Variants in BTRC observed in about 807,000 individuals in gnomAD.
BTRC encodes F-box/WD repeat-containing protein 1A.
A neutral mutation model predicts 85.5 loss-of-function variants in BTRC; 42 were observed. The observed-to-expected ratio is 0.49, with a 90% CI of 0.38 to 0.64. BTRC has a LOEUF of 0.64. Among genes scored for constraint, BTRC ranks in the 30% least tolerant of loss-of-function variants. The pLI, the probability that BTRC is intolerant of heterozygous loss-of-function variation, is 0.00. For synonymous variants in BTRC, 255 were observed against 263.3 expected (o/e 0.97, Z 0.30); for missense variants, 594 against 743.5 (o/e 0.80, Z 2.34).
rs993654045 is a variant in BTRC, at chr10:101,424,102, T to C, written c.49-6243T>C. Among the ~76,000 whole-genome samples, 11 of 152,196 alleles carry C rather than the reference T, an allele frequency of 7.2e-5. No individual in the cohort carries two copies. The East Asian group carries it at 2.1e-3, about 29-fold the overall frequency. ...TACAAAAATTAGTCAGGCGTGGTGGTGCATGCCGGCAGTCCCAGCTACTCA... is the reference window on the plus strand; with the variant it reads ...TACAAAAATTAGTCAGGCGTGGTGGCGCATGCCGGCAGTCCCAGCTACTCA... On this transcript the variant is annotated intron_variant, in intron 1 of 14. Coordinates refer to ENST00000370187, the MANE Select transcript of BTRC (RefSeq NM_033637.4).
intron 4 of BTRC, among the ~76,000 whole-genome samples, chr10:101,518,123 G>A (rs950840576): frequency 1.1e-4 from 17 of 151,678 alleles, no homozygotes; most frequent in Non-Finnish European, 2.1e-4. Context: ...CGTTTTAGCC[G>A]GGATGGTCTC....
intron 1 of BTRC, among the ~76,000 whole-genome samples, chr10:101,429,917 A>C (rs913749175): frequency 6.7e-6 from 1 of 149,702 alleles, no homozygotes; most frequent in Non-Finnish European, 1.5e-5. Flanking sequence ...CTAATTTACC[A>C]TTCCTAATAT....
intron 1 of BTRC, among the ~76,000 whole-genome samples, chr10:101,413,998 A>G (rs889655374): frequency 1.3e-5 from 2 of 152,172 alleles, no homozygotes; most frequent in Non-Finnish European, 2.9e-5. Context: ...CATAAAATTG[A>G]CCATCTTAAC....
intron 4 of BTRC, among the ~76,000 whole-genome samples, chr10:101,491,771 A>T (rs1946140235): frequency 6.6e-6 from 1 of 152,050 alleles, no homozygotes; most frequent in Non-Finnish European, 1.5e-5. Context: ...ATTTTGATTC[A>T]TGCTTCTAGA....
At chr10:101,384,363 C>T (rs553303768) in intron 1 of BTRC, among the ~76,000 whole-genome samples, 8 of 152,258 alleles carry the variant, frequency 5.3e-5, no homozygotes, top group African/African-American at 1.4e-4. Context: ...TATTTCTTTC[C>T]GAATAAAAAG....
At chr10:101,533,195 C>G in intron 9 of BTRC, 125 bp downstream of exon 9, 1 of 598,090 alleles carries the variant, frequency 1.7e-6, no homozygotes, top group South Asian at 3.3e-5. Context: ...CCACCAGGTC[C>G]CCATCATTTC....
intron 1 of BTRC, among the ~76,000 whole-genome samples, chr10:101,415,053 G>T (rs1240182252): frequency 6.6e-6 from 1 of 152,112 alleles, no homozygotes; most frequent in African/African-American, 2.4e-5. Flanking sequence ...GTCTATAGTA[G>T]TGTACAATAA....
At chr10:101,529,690 T>G (rs1190700848) in intron 6 of BTRC, among the ~76,000 whole-genome samples, 2 of 152,228 alleles carry the variant, frequency 1.3e-5, no homozygotes, top group South Asian at 4.1e-4. Flanking sequence ...TTTTCTTTTC[T>G]GTATTAACAC....
At chr10:101,442,329 A>G (rs1007150609) in intron 2 of BTRC, among the ~76,000 whole-genome samples, 1 of 80,668 alleles carries the variant, frequency 1.2e-5, no homozygotes, top group Non-Finnish European at 2.3e-5. Context: ...TAAATGAGAT[A>G]ATTCCAACCT....
chr10:101,385,196 T>C (rs928376216), intron 1 of BTRC, among the ~76,000 whole-genome samples: 1 of 135,648 alleles, frequency 7.4e-6, no homozygotes, highest in African/African-American at 2.5e-5. Context: ...AGATCCTGTC[T>C]CTAAAAAAAA....
At chr10:101,484,285 A>G (rs964089950) in intron 4 of BTRC, among the ~76,000 whole-genome samples, 5 of 152,252 alleles carry the variant, frequency 3.3e-5, no homozygotes, top group African/African-American at 1.2e-4. Flanking sequence ...TTATATCCGC[A>G]GGAAACAAGC....
At chr10:101,380,782 G>A (rs1034667596) in intron 1 of BTRC, among the ~76,000 whole-genome samples, 3 of 152,142 alleles carry the variant, frequency 2.0e-5, no homozygotes, top group Non-Finnish European at 2.9e-5. Context: ...GTCATGCATT[G>A]CTTAACAATA....
At chr10:101,385,615 C>CTTTTTTTTTTTTTTTTTTT (rs146804594) in intron 1 of BTRC, among the ~76,000 whole-genome samples, 17 of 48,892 alleles carry the variant, frequency 3.5e-4, no homozygotes, top group South Asian at 1.3e-3. Flanking sequence ...CTTTCTTCTT[C>CTTTTTTTTTTTTTTTTTTT]TTCTTTTTTT....
intron 1 of BTRC, among the ~76,000 whole-genome samples, chr10:101,415,190 T>A (rs1367410107): frequency 1.3e-5 from 2 of 151,754 alleles, no homozygotes; most frequent in Non-Finnish European, 2.9e-5. Flanking sequence ...TTTTTGTCTT[T>A]TTTTTTGAGA....
In BTRC at chr10:101,403,148, T is replaced by G. The variant is rs1316842879; in HGVS notation, c.49-27197T>G. Among the ~76,000 whole-genome samples, 5 of 152,250 alleles carry G rather than the reference T, an allele frequency of 3.3e-5. No homozygotes were observed. In the East Asian group the frequency reaches 9.6e-4, roughly 29 times the overall value. ...TTGGAATAAATGTAGCTTCCTGAGG[T>G]GTCTTCTCTGGGGACGATACACATT... On this transcript the variant is annotated intron_variant, in intron 1 of 14. Transcript: ENST00000370187.
intron 1 of BTRC, among the ~76,000 whole-genome samples, chr10:101,366,154 C>T (rs2134501436): frequency 6.6e-6 from 1 of 152,044 alleles, no homozygotes; most frequent in East Asian, 1.9e-4. Flanking sequence ...CTAAATTGTG[C>T]TGGAGTACCA....
At chr10:101,536,316 C>T (rs1000068187) in intron 11 of BTRC, among the ~76,000 whole-genome samples, 3 of 152,166 alleles carry the variant, frequency 2.0e-5, no homozygotes, top group Middle Eastern at 3.2e-3. Context: ...TATGTAAAGC[C>T]CTGTGCTTTG....
chr10:101,412,383 A>G (rs1046782306), intron 1 of BTRC, among the ~76,000 whole-genome samples: 1 of 152,176 alleles, frequency 6.6e-6, no homozygotes, highest in Non-Finnish European at 1.5e-5. Context: ...GATAATTTTA[A>G]GGGTCACCTT....
At chr10:101,486,935 C>A (rs7901265) in intron 4 of BTRC, among the ~76,000 whole-genome samples, 146,144 of 152,292 alleles carry the variant, frequency 0.96, 70,394 homozygotes, top group East Asian at 1. Flanking sequence ...TGCACTGCTT[C>A]TTTTCTCATT....
Sources: allele counts gnomAD v4.1 joint callset (sites outside exome capture counted in the v4.1 genomes callset), GRCh38; gene constraint gnomAD v4.1.1; transcripts MANE v1.5; gene names NCBI Gene and HGNC (gene_info 2026-07-23, HGNC 2026-07-21).